MAPK4: variants seen among roughly 807,000 people sequenced by gnomAD.
MAPK4 encodes mitogen-activated protein kinase 4, also known as Erk3-related.
A neutral mutation model predicts 47.7 loss-of-function variants in MAPK4; 22 were observed. The observed-to-expected ratio is 0.46, with a 90% CI of 0.33 to 0.66. The LOEUF (loss-of-function observed/expected upper bound fraction) is 0.66, where lower values mean the gene tolerates loss of function less well. MAPK4 is among the 30% of genes least tolerant of loss of function. MAPK4 has a pLI of 0.02. For missense variants in MAPK4, 736 were observed against 831.7 expected (o/e 0.88, Z 1.42); for synonymous variants, 390 against 365.7 (o/e 1.07, Z -0.76).
chr18:50,687,082 T>C (rs1264947892), intron 2 of MAPK4, among the ~76,000 whole-genome samples: 1 of 152,266 alleles, frequency 6.6e-6, no homozygotes, highest in Admixed American at 6.5e-5. Flanking sequence ...ATTGTACAGT[T>C]CAGTGTCTTT....
At chr18:50,564,325 A>G (rs2042179911) in intron 1 of MAPK4, among the ~76,000 whole-genome samples, 1 of 152,172 alleles carries the variant, frequency 6.6e-6, no homozygotes, top group Non-Finnish European at 1.5e-5. Flanking sequence ...ATTTTTTGTT[A>G]TGGGGAGCTG....
intron 2 of MAPK4, among the ~76,000 whole-genome samples, chr18:50,702,054 A>G (rs1909816484): frequency 6.6e-6 from 1 of 151,468 alleles, no homozygotes; most frequent in East Asian, 1.9e-4. Flanking sequence ...CCCAGCTACC[A>G]GAAAGGCTGA....
intron 1 of MAPK4, among the ~76,000 whole-genome samples, chr18:50,573,709 C>T (rs1356248248): frequency 6.6e-6 from 1 of 152,180 alleles, no homozygotes; most frequent in Non-Finnish European, 1.5e-5. Flanking sequence ...GGGACCACTG[C>T]TCTAGACTAA....
chr18:50,725,843 A>G, intron 4 of MAPK4, 119 bp from the exon 5 acceptor site: 1 of 858,664 alleles, frequency 1.2e-6, no homozygotes, highest in South Asian at 1.5e-5. Flanking sequence ...ATGGCTAAAA[A>G]CCTTTTAACA....
At chr18:50,646,906 G>C (rs934051720) in intron 1 of MAPK4, among the ~76,000 whole-genome samples, 1 of 152,122 alleles carries the variant, frequency 6.6e-6, no homozygotes, top group African/African-American at 2.4e-5. Context: ...GGAGCCTGCT[G>C]TTTCTCCCCA....
chr18:50,684,310 T>C (rs1050877347), intron 2 of MAPK4, among the ~76,000 whole-genome samples: 4 of 152,078 alleles, frequency 2.6e-5, no homozygotes, highest in African/African-American at 7.2e-5. Flanking sequence ...TTTGGGACGC[T>C]GAGGTGGGAG....
Position 50,665,012 on chromosome 18 carries a change from A to C in MAPK4, c.546+508A>C, listed in dbSNP as rs143118375. ...AGTGGACAGCAGGCACAAATTGTTG[A>C]TCTGATGAGCTAATCCTTCACTGTA... On this transcript the variant is annotated intron_variant, in intron 2 of 5. Transcript: ENST00000400384. Among the ~76,000 whole-genome samples the C allele has an allele frequency of 4.0e-3, 602 of 152,240 alleles. 3 individuals carry two copies. Among genetic ancestry groups the C allele is most frequent in the African/African-American group, 0.014 (568 of 41,548 alleles).
chr18:50,668,458 C>T (rs1907734474), intron 2 of MAPK4, among the ~76,000 whole-genome samples: 1 of 152,190 alleles, frequency 6.6e-6, no homozygotes, highest in Admixed American at 6.5e-5. Context: ...TAGTGAGCAA[C>T]TGGCCACGTC....
intron 2 of MAPK4, among the ~76,000 whole-genome samples, chr18:50,701,121 G>T (rs1039091853): frequency 6.6e-6 from 1 of 152,008 alleles, no homozygotes; most frequent in Non-Finnish European, 1.5e-5. Context: ...TTCAAAGAAG[G>T]TTCCTAGAAT....
chr18:50,567,350 G>A (rs1033649775), intron 1 of MAPK4, among the ~76,000 whole-genome samples: 12 of 152,272 alleles, frequency 7.9e-5, no homozygotes, highest in African/African-American at 2.9e-4. Context: ...ATCCTTAGAA[G>A]CTCGTTAATT....
intron 3 of MAPK4, among the ~76,000 whole-genome samples, chr18:50,715,978 G>A (rs1910613775): frequency 6.6e-6 from 1 of 151,894 alleles, no homozygotes; most frequent in Admixed American, 6.6e-5. Flanking sequence ...GTTCACTTTG[G>A]CACAAAGACC....
At chr18:50,642,626 C>G (rs530001548) in intron 1 of MAPK4, among the ~76,000 whole-genome samples, 2 of 152,142 alleles carry the variant, frequency 1.3e-5, no homozygotes, top group African/African-American at 4.8e-5. Flanking sequence ...GGGTGTTAAC[C>G]ACAGGGGGAC....
chr18:50,641,115 C>T (rs1402486567), intron 1 of MAPK4, among the ~76,000 whole-genome samples: 1 of 152,198 alleles, frequency 6.6e-6, no homozygotes, highest in Non-Finnish European at 1.5e-5. Flanking sequence ...TGAAGCCAGG[C>T]TCCATTCTTT....
At chr18:50,622,585 G>A (rs1245371765) in intron 1 of MAPK4, among the ~76,000 whole-genome samples, 2 of 152,214 alleles carry the variant, frequency 1.3e-5, no homozygotes, top group African/African-American at 4.8e-5. Flanking sequence ...CATTCCTCAA[G>A]GAGGATTTGG....
At chr18:50,682,396 C>G (rs1448221039) in intron 2 of MAPK4, among the ~76,000 whole-genome samples, 2 of 152,138 alleles carry the variant, frequency 1.3e-5, no homozygotes, top group Non-Finnish European at 1.5e-5. Context: ...AATATCAATT[C>G]TACAAACTCT....
intron 1 of MAPK4, among the ~76,000 whole-genome samples, chr18:50,562,670 A>G (rs2084958008): frequency 1.3e-5 from 2 of 152,260 alleles, no homozygotes; most frequent in African/African-American, 4.8e-5. Context: ...CTTGAGATGC[A>G]CTGGAATATC....
chr18:50,611,759 C>G (rs985800889), intron 1 of MAPK4, among the ~76,000 whole-genome samples: 1 of 152,152 alleles, frequency 6.6e-6, no homozygotes, highest in Non-Finnish European at 1.5e-5. Flanking sequence ...CACCTGCCCA[C>G]GTCAGCAAGA....
chr18:50,650,605 C>T (rs2043038051), intron 1 of MAPK4, among the ~76,000 whole-genome samples: 1 of 152,172 alleles, frequency 6.6e-6, no homozygotes, highest in Non-Finnish European at 1.5e-5. Context: ...CCAGCAAACA[C>T]TGGCTGGGCC....
At chr18:50,601,099 A>T (rs867643039) in intron 1 of MAPK4, among the ~76,000 whole-genome samples, 1,233 of 4,798 alleles carry the variant, frequency 0.26, 18 homozygotes, top group Middle Eastern at 0.5. Context: ...TATCTCTGTA[A>T]AAAAAAAAAA....
Sources: allele counts gnomAD v4.1 joint callset (sites outside exome capture counted in the v4.1 genomes callset), GRCh38; gene constraint gnomAD v4.1.1; transcripts MANE v1.5; gene names NCBI Gene and HGNC (gene_info 2026-07-23, HGNC 2026-07-21).